Variants in GLYATL2 observed in about 807,000 individuals in gnomAD.
The protein encoded by GLYATL2 is glycine N-acyltransferase-like protein 2.
GLYATL2 carries 25 observed loss-of-function variants against 21.4 expected under a neutral mutation model. The ratio of observed to expected loss-of-function variants is 1.17; its 90% CI spans 0.85 to 1.63. The LOEUF (loss-of-function observed/expected upper bound fraction) is 1.63, where lower values mean the gene tolerates loss of function less well. GLYATL2 is among the 40% of genes most tolerant of loss of function. The pLI, the probability that GLYATL2 is intolerant of heterozygous loss-of-function variation, is 0.00. For synonymous variants in GLYATL2, 114 were observed against 118.2 expected (o/e 0.96, Z 0.23); for missense variants, 361 against 343.3 (o/e 1.05, Z -0.41).
intron 1 of GLYATL2, among the ~76,000 whole-genome samples, chr11:58,889,514 G>C (rs1167505848): frequency 6.6e-6 from 1 of 152,078 alleles, no homozygotes; most frequent in Non-Finnish European, 1.5e-5. Flanking sequence ...AATTACATTT[G>C]ATTCTGTCTT....
At chr11:58,894,428 G>C (rs1854599579) in intron 1 of GLYATL2, among the ~76,000 whole-genome samples, 1 of 132,400 alleles carries the variant, frequency 7.6e-6, no homozygotes, top group Non-Finnish European at 1.6e-5. Flanking sequence ...GCTCTGCTCT[G>C]TCACCCTGCC....
At chr11:58,888,809 A>G (rs1160058330) in intron 1 of GLYATL2, among the ~76,000 whole-genome samples, 1 of 151,890 alleles carries the variant, frequency 6.6e-6, no homozygotes, top group Admixed American at 6.6e-5. Flanking sequence ...AATGTACACA[A>G]TTGCATAATG....
chr11:58,869,350 A>G (rs559548967), intron 1 of GLYATL2, among the ~76,000 whole-genome samples: 188 of 152,316 alleles, frequency 1.2e-3, no homozygotes, highest in African/African-American at 4.3e-3. Flanking sequence ...GGGCCAGGTT[A>G]CTATGTGATG....
upstream of GLYATL2, among the ~76,000 whole-genome samples, chr11:58,846,554 G>T (rs1035633799): frequency 2.6e-5 from 4 of 151,730 alleles, no homozygotes; most frequent in African/African-American, 9.7e-5. Context: ...ATGAGGCATT[G>T]AACTCATTGC....
chr11:58,880,347 G>A (rs1445100801), intron 1 of GLYATL2, among the ~76,000 whole-genome samples: 1 of 152,198 alleles, frequency 6.6e-6, no homozygotes, highest in Non-Finnish European at 1.5e-5. Context: ...CTGAACTAAG[G>A]TCATTGCAAG....
intron 1 of GLYATL2, among the ~76,000 whole-genome samples, chr11:58,901,614 G>A (rs1854741480): frequency 6.6e-6 from 1 of 150,664 alleles, no homozygotes; most frequent in East Asian, 2.0e-4. Context: ...ATTTGCTCAA[G>A]GTCTCCCTGC....
chr11:58,907,384 A>C (rs1854924043), upstream of GLYATL2: 1 of 456,124 alleles, frequency 2.2e-6, no homozygotes, highest in Non-Finnish European at 4.4e-6. Context: ...AGTCTGCTGG[A>C]GTGGAATTTA....
At chr11:58,867,776 C>T (rs187860865) in intron 1 of GLYATL2, among the ~76,000 whole-genome samples, 2 of 148,846 alleles carry the variant, frequency 1.3e-5, no homozygotes, top group African/African-American at 2.4e-5. Context: ...GCCTCAAGGC[C>T]GTGACACATA....
upstream of GLYATL2, among the ~76,000 whole-genome samples, chr11:58,848,515 A>C (rs1185546424): frequency 6.6e-6 from 1 of 152,236 alleles, no homozygotes. Flanking sequence ...TGAAATAGTT[A>C]AAAAGAATCA....
intron 1 of GLYATL2, among the ~76,000 whole-genome samples, chr11:58,900,952 C>T (rs1854728072): frequency 6.6e-6 from 1 of 150,522 alleles, no homozygotes; most frequent in African/African-American, 2.5e-5. Context: ...CCTCCCTATT[C>T]CAGTAGGTTA....
chr11:58,883,867 C>G (rs1339884007), intron 1 of GLYATL2, among the ~76,000 whole-genome samples: 1 of 152,130 alleles, frequency 6.6e-6, no homozygotes, highest in Non-Finnish European at 1.5e-5. Context: ...AGCTTATTCA[C>G]CACGATCAAG....
At chr11:58,876,119 G>C (rs539311199) in intron 1 of GLYATL2, among the ~76,000 whole-genome samples, 1 of 152,064 alleles carries the variant, frequency 6.6e-6, no homozygotes, top group African/African-American at 2.4e-5. Context: ...CGTTGTTCTC[G>C]TGCCATGGAT....
chr11:58,867,349 C>T (rs1011378690), intron 1 of GLYATL2, among the ~76,000 whole-genome samples: 12 of 148,902 alleles, frequency 8.1e-5, no homozygotes, highest in Non-Finnish European at 6.0e-5. Flanking sequence ...CTCTTGGCAG[C>T]GTGTAATTTA....
chr11:58,884,410 C>T (rs1369768862), intron 1 of GLYATL2, among the ~76,000 whole-genome samples: 1 of 152,198 alleles, frequency 6.6e-6, no homozygotes, highest in Non-Finnish European at 1.5e-5. Context: ...CATTCTTATA[C>T]ACCAATAACA....
intron 1 of GLYATL2, among the ~76,000 whole-genome samples, chr11:58,883,144 G>A (rs756619361): frequency 6.6e-6 from 1 of 152,070 alleles, no homozygotes; most frequent in African/African-American, 2.4e-5. Context: ...ATTACCTTGG[G>A]CAACATGGAC....
chr11:58,849,814 A>G (rs1014351277), intron 1 of GLYATL2, among the ~76,000 whole-genome samples: 4 of 152,178 alleles, frequency 2.6e-5, no homozygotes, highest in Non-Finnish European at 5.9e-5. Flanking sequence ...GAGGGATAGT[A>G]TTAGGAGAAA....
rs1319983407 is a variant in GLYATL2, at chr11:58,839,604, C to T, written c.9G>A (p.Val3=). ...TCTGCAGCTTCTGAGAGTTATGAAGCACAAGCATCTTATGTAGCACTTCAG... is the reference window on the plus strand; with the variant it reads ...TCTGCAGCTTCTGAGAGTTATGAAGTACAAGCATCTTATGTAGCACTTCAG... The part of the protein sequence containing the change: ML[V]LHNSQKLQIL... The change falls in exon 2 of 6, where the codon GTG becomes GTA. Residue 3 remains valine, a synonymous_variant. Transcript: ENST00000287275. 1.9e-6 allele frequency: 3 copies of T among 1,610,222 alleles called. No homozygotes were observed. The highest frequency in any genetic ancestry group is 2.5e-6 in the Non-Finnish European group (3 of 1,177,556).
chr11:58,877,129 T>C (rs1422481216), intron 1 of GLYATL2, among the ~76,000 whole-genome samples: 1 of 152,228 alleles, frequency 6.6e-6, no homozygotes, highest in Non-Finnish European at 1.5e-5. Context: ...TTGATAAGCC[T>C]GTTGGAAAAG....
At chr11:58,904,896 C>T (rs924663742), upstream of GLYATL2, among the ~76,000 whole-genome samples, 1 of 152,244 alleles carries the variant, frequency 6.6e-6, no homozygotes, top group African/African-American at 2.4e-5. Flanking sequence ...ATCTTCTCCC[C>T]TTCTTTGACC....
Sources: allele counts gnomAD v4.1 joint callset (sites outside exome capture counted in the v4.1 genomes callset), GRCh38; gene constraint gnomAD v4.1.1; transcripts MANE v1.5; gene names NCBI Gene and HGNC (gene_info 2026-07-23, HGNC 2026-07-21).